The following PPP3R1 variants were observed in gnomAD, a reference collection of about 807,000 sequenced individuals.
PPP3R1 encodes the protein protein phosphatase 3 regulatory subunit B, alpha, also known as calcineurin subunit B type 1.
A neutral mutation model predicts 22.6 loss-of-function variants in PPP3R1; 5 were observed. That is an observed-to-expected ratio of 0.22 (90% CI 0.12 to 0.46). The LOEUF is 0.46. PPP3R1 is among the 20% of genes least tolerant of loss of function. PPP3R1 has a pLI of 0.99. For synonymous variants in PPP3R1, 56 were observed against 65.2 expected (o/e 0.86, Z 0.68); for missense variants, 61 against 203.2 (o/e 0.30, Z 4.25).
At chr2:68,220,008 A>C (rs1669656504) in intron 1 of PPP3R1, among the ~76,000 whole-genome samples, 1 of 151,822 alleles carries the variant, frequency 6.6e-6, no homozygotes, top group South Asian at 2.1e-4. Flanking sequence ...TGCTATATGA[A>C]CCACTTGACC....
At chr2:68,229,485 T>C (rs1558640304) in intron 1 of PPP3R1, among the ~76,000 whole-genome samples, 3 of 152,192 alleles carry the variant, frequency 2.0e-5, no homozygotes, top group Admixed American at 6.5e-5. Context: ...TATTGAGAAA[T>C]AGGTGTTGAC....
intron 5 of PPP3R1, among the ~76,000 whole-genome samples, chr2:68,183,568 C>T (rs1222289421): frequency 1.3e-5 from 2 of 152,142 alleles, no homozygotes; most frequent in Non-Finnish European, 2.9e-5. Flanking sequence ...TCCTGGCATT[C>T]GGGTGTTACA....
At position 68,188,770 on chromosome 2, in the gene PPP3R1, A is replaced by T. The variant is rs534388326; in HGVS notation, c.44-80T>A. On this transcript the variant is annotated intron_variant, in intron 2 of 5. Coordinates refer to ENST00000234310, the MANE Select transcript of PPP3R1 (RefSeq NM_000945.4). ...TTCTAATGGGCAGTAGCAAGATTTT[A>T]AAAAAAATTTTAATAGTTATAGGGG... is the stretch of plus-strand genomic sequence containing the variant. The T allele has an allele frequency of 2.5e-4, 328 of 1,313,070 alleles. 2 individuals carry two copies. Among genetic ancestry groups the T allele is most frequent in the Middle Eastern group, 1.6e-3 (7 of 4,418 alleles). The allele number at this position is 1,313,070 out of a possible 1,614,324, so 81.3% of individuals were successfully genotyped here. A position where few individuals can be genotyped will look rare whatever the true frequency, so the allele number is the denominator to read the frequency against.
chr2:68,234,126 G>A (rs12473051), intron 1 of PPP3R1, among the ~76,000 whole-genome samples: 10 of 152,034 alleles, frequency 6.6e-5, no homozygotes, highest in Non-Finnish European at 1.3e-4. Flanking sequence ...AGCAGATCAC[G>A]AGGTCAGGAG....
At chr2:68,228,460 T>C (rs764337185) in intron 1 of PPP3R1, among the ~76,000 whole-genome samples, 3 of 152,188 alleles carry the variant, frequency 2.0e-5, no homozygotes, top group Non-Finnish European at 2.9e-5. Flanking sequence ...TTGTCAAATT[T>C]ATGTATATAA....
chr2:68,252,196 A>C lies in PPP3R1; in HGVS notation c.-69T>G. The C allele has an allele frequency of 7.9e-7, 1 of 1,271,586 alleles. No homozygotes were observed. Among genetic ancestry groups the C allele is most frequent in the Non-Finnish European group, 1.0e-6 (1 of 982,296 alleles). 78.8% of individuals were successfully genotyped at this position (1,271,586 alleles called of 1,614,324 possible). A position where few individuals can be genotyped will look rare whatever the true frequency, so the allele number is the denominator to read the frequency against. ...AAGTGTTGCGCTCAGGCTGGCTCGC[A>C]GGAAACGGCGGCGGCGGCCCAGCTG... On this transcript the variant is annotated 5_prime_UTR_variant, in exon 1 of 6. Coordinates refer to ENST00000234310, the MANE Select transcript of PPP3R1 (RefSeq NM_000945.4).
At position 68,252,215 on chromosome 2, in the gene PPP3R1, C is replaced by T; in HGVS notation, c.-88G>A. On this transcript the variant is annotated 5_prime_UTR_variant, in exon 1 of 6. Coordinates refer to ENST00000234310, the MANE Select transcript of PPP3R1 (RefSeq NM_000945.4). Reference sequence around the variant, plus strand: ...GCTCGCAGGAAACGGCGGCGGCGGCCCAGCTGCGGCCCTCGGGTCGCCGGC... The same window carrying T: ...GCTCGCAGGAAACGGCGGCGGCGGCTCAGCTGCGGCCCTCGGGTCGCCGGC... 2 of 1,204,680 alleles carry T rather than the reference C, an allele frequency of 1.7e-6. No homozygotes were observed. The highest frequency in any genetic ancestry group is 2.1e-6 in the Non-Finnish European group (2 of 947,048). The allele number at this position is 1,204,680 out of a possible 1,614,324, so 74.6% of individuals were successfully genotyped here.
intron 2 of PPP3R1, among the ~76,000 whole-genome samples, chr2:68,209,597 T>A (rs1669431525): frequency 6.6e-6 from 1 of 151,466 alleles, no homozygotes; most frequent in Non-Finnish European, 1.5e-5. Context: ...TACAAAAAAA[T>A]GTTTAAAAAA....
chr2:68,242,824 T>C (rs1275694296), intron 1 of PPP3R1, among the ~76,000 whole-genome samples: 2 of 152,110 alleles, frequency 1.3e-5, no homozygotes. Flanking sequence ...TCTAGACAGA[T>C]TAAAAATAAA....
chr2:68,203,313 A>G (rs1675025604), intron 2 of PPP3R1, among the ~76,000 whole-genome samples: 1 of 152,208 alleles, frequency 6.6e-6, no homozygotes, highest in African/African-American at 2.4e-5. Flanking sequence ...AATAAATGGC[A>G]TTTTAGGGCC....
At chr2:68,229,681 T>C (rs192559833) in intron 1 of PPP3R1, among the ~76,000 whole-genome samples, 402 of 152,276 alleles carry the variant, frequency 2.6e-3, no homozygotes, top group African/African-American at 9.4e-3. Flanking sequence ...TGAGGTCTAC[T>C]TTATCTAATA....
intron 2 of PPP3R1, among the ~76,000 whole-genome samples, chr2:68,191,099 A>G (rs1335369253): frequency 1.3e-5 from 2 of 152,200 alleles, no homozygotes; most frequent in Non-Finnish European, 2.9e-5. Flanking sequence ...GTGATGAAAA[A>G]TTTATGTAAA....
At chr2:68,194,947 C>A (rs13399250) in intron 2 of PPP3R1, among the ~76,000 whole-genome samples, 1 of 151,990 alleles carries the variant, frequency 6.6e-6, no homozygotes, top group Non-Finnish European at 1.5e-5. Flanking sequence ...TAAATTCTAA[C>A]AATAATATTT....
At chr2:68,182,084 C>G (rs1019841417) in intron 5 of PPP3R1, among the ~76,000 whole-genome samples, 17 of 118,796 alleles carry the variant, frequency 1.4e-4, no homozygotes, top group South Asian at 7.9e-4. Context: ...CCCCCCTCCC[C>G]CCACCACACA....
chr2:68,229,353 A>G (rs773272950), intron 1 of PPP3R1, among the ~76,000 whole-genome samples: 28 of 152,252 alleles, frequency 1.8e-4, no homozygotes, highest in African/African-American at 2.4e-4. Context: ...TTTCCTTGGT[A>G]TATGTTCTCT....
chr2:68,206,824 A>G (rs750908011), intron 2 of PPP3R1, among the ~76,000 whole-genome samples: 1 of 152,220 alleles, frequency 6.6e-6, no homozygotes, highest in Non-Finnish European at 1.5e-5. Flanking sequence ...GTTACAGCAT[A>G]TAATTTAGAG....
rs182720770 is a variant in PPP3R1 at position 68,186,379 on chromosome 2, G to A, written c.465+89C>T. ...GAAAAATCAAATACTTAAGTTTTTA[G>A]GACAAAATATGGAAATTCTCTATTA... On this transcript the variant is annotated intron_variant, in intron 5 of 5. Coordinates refer to ENST00000234310, the MANE Select transcript of PPP3R1 (RefSeq NM_000945.4). 367 of 1,305,386 alleles carry A rather than the reference G, an allele frequency of 2.8e-4. 1 individual carries two copies. The Middle Eastern group carries it at 4.9e-3, about 17-fold the overall frequency. 80.9% of individuals were successfully genotyped at this position (1,305,386 alleles called of 1,614,324 possible). A position where few individuals can be genotyped will look rare whatever the true frequency, so the allele number is the denominator to read the frequency against.
chr2:68,222,666 C>A (rs1183478228), intron 1 of PPP3R1, among the ~76,000 whole-genome samples: 1 of 152,186 alleles, frequency 6.6e-6, no homozygotes, highest in Admixed American at 6.6e-5. Flanking sequence ...AGCTACAGCA[C>A]CAGCTTTCCT....
chr2:68,220,619 G>A (rs778791679), intron 1 of PPP3R1, among the ~76,000 whole-genome samples: 1 of 152,124 alleles, frequency 6.6e-6, no homozygotes, highest in African/African-American at 2.4e-5. Context: ...AAACTCTTAC[G>A]TTCTTTAAAG....
Sources: allele counts gnomAD v4.1 joint callset (sites outside exome capture counted in the v4.1 genomes callset), GRCh38; gene constraint gnomAD v4.1.1; transcripts MANE v1.5; gene names NCBI Gene and HGNC (gene_info 2026-07-23, HGNC 2026-07-21).